Variants in ABCC4 observed in about 807,000 individuals in gnomAD.
The protein encoded by ABCC4 is ATP binding cassette subfamily C member 4 (PEL blood group), also known as ATP-binding cassette sub-family C member 4.
A neutral mutation model predicts 168.5 loss-of-function variants in ABCC4; 102 were observed. That is an observed-to-expected ratio of 0.61 (90% CI 0.52 to 0.71). The LOEUF (loss-of-function observed/expected upper bound fraction) is 0.71. Ranked by LOEUF, ABCC4 falls within the 30% of genes least tolerant of loss-of-function variation. The pLI is 0.00. For missense variants in ABCC4, 1,402 were observed against 1,605.8 expected, an observed-to-expected ratio of 0.87 and a Z score of 2.17; for synonymous variants, 617 against 590.7, an observed-to-expected ratio of 1.04 and a Z score of -0.65.
rs140332535 is a variant in ABCC4, at chr13:95,076,367, G to A, written c.2687-816C>T. 7.2e-3 allele frequency among the ~76,000 whole-genome samples: 1,089 copies of A among 152,140 alleles called. 12 individuals carry two copies. The highest frequency in any genetic ancestry group is 0.014 in the Middle Eastern group (4 of 294). On this transcript the variant is annotated intron_variant, in intron 21 of 30. Transcript: ENST00000645237. The stretch of plus-strand genomic sequence containing the variant: ...TCAGAATCTGACTGTGGTCTCAGTG[G>A]GTTCTTCATCTCTACAGAATTTTAA...
intron 1 of ABCC4, among the ~76,000 whole-genome samples, chr13:95,258,511 C>G (rs1438621617): frequency 1.3e-5 from 2 of 152,204 alleles, no homozygotes; most frequent in African/African-American, 4.8e-5. Flanking sequence ...TATCCTCATT[C>G]TCACTTTCTT....
At chr13:95,173,865 C>CA (rs1263908309) in intron 13 of ABCC4, among the ~76,000 whole-genome samples, 4 of 152,188 alleles carry the variant, frequency 2.6e-5, no homozygotes, top group South Asian at 2.1e-4. Flanking sequence ...GGGAAGCTGC[C>CA]GTACCCCTTC....
intron 6 of ABCC4, among the ~76,000 whole-genome samples, chr13:95,208,337 A>G (rs2038843889): frequency 9.5e-6 from 1 of 104,740 alleles, no homozygotes. Flanking sequence ...GAGGAGAGCA[A>G]AAAAAAAAAA....
At chr13:95,034,582 A>G in intron 30 of ABCC4, 23 bp downstream of exon 30, 2 of 1,606,308 alleles carry the variant, frequency 1.2e-6, no homozygotes. Flanking sequence ...AACTTTAATT[A>G]CAACTCCTTG....
At chr13:95,072,474 C>A (rs1242724425) in intron 24 of ABCC4, among the ~76,000 whole-genome samples, 2 of 151,980 alleles carry the variant, frequency 1.3e-5, no homozygotes, top group Non-Finnish European at 2.9e-5. Context: ...CACCCCTACC[C>A]CCCAAAAAAG....
intron 20 of ABCC4, among the ~76,000 whole-genome samples, chr13:95,090,386 C>T (rs141883917): frequency 3.4e-4 from 52 of 152,276 alleles, no homozygotes; most frequent in Middle Eastern, 3.4e-3. Flanking sequence ...CCACCTCCAC[C>T]GGAACAGGTG....
intron 14 of ABCC4, chr13:95,170,304 C>T (rs1048973566): frequency 9.8e-6 from 4 of 407,116 alleles, no homozygotes; most frequent in African/African-American, 6.1e-5. Flanking sequence ...TAAATTAAAA[C>T]AGCATCATTT....
chr13:95,244,170 G>A (rs1319090823), intron 3 of ABCC4, among the ~76,000 whole-genome samples: 1 of 152,140 alleles, frequency 6.6e-6, no homozygotes, highest in Non-Finnish European at 1.5e-5. Context: ...ACGACAGTCT[G>A]GAGATGGTTA....
intron 4 of ABCC4, among the ~76,000 whole-genome samples, chr13:95,213,409 G>A (rs1399311942): frequency 1.3e-5 from 2 of 152,256 alleles, no homozygotes; most frequent in African/African-American, 4.8e-5. Context: ...GTTGTTCCAA[G>A]TTGTAGAAGC....
At chr13:95,209,316 A>C in intron 6 of ABCC4, 118 bp downstream of exon 6, 1 of 1,212,480 alleles carries the variant, frequency 8.2e-7, no homozygotes. Flanking sequence ...GAAGAGCTGC[A>C]ACATATGCAA....
chr13:95,154,588 A>G (rs1035511474), intron 19 of ABCC4, among the ~76,000 whole-genome samples: 1 of 152,204 alleles, frequency 6.6e-6, no homozygotes, highest in Non-Finnish European at 1.5e-5. Context: ...GATGACACTG[A>G]GGAAATATTT....
At chr13:95,056,058 CAAG>C (rs1290507897) in intron 26 of ABCC4, among the ~76,000 whole-genome samples, 1 of 152,146 alleles carries the variant, frequency 6.6e-6, no homozygotes, top group African/African-American at 2.4e-5. Flanking sequence ...CTCATTATCT[CAAG>C]AAGAAACTCT....
chr13:95,210,893 A>C, intron 4 of ABCC4, 112 bp from the exon 5 acceptor site: 1 of 662,090 alleles, frequency 1.5e-6, no homozygotes, highest in Non-Finnish European at 2.6e-6. Flanking sequence ...AGATCTAAGC[A>C]CAAGCATCCC....
At chr13:95,050,697 C>A (rs2032792959) in intron 27 of ABCC4, among the ~76,000 whole-genome samples, 1 of 152,168 alleles carries the variant, frequency 6.6e-6, no homozygotes, top group South Asian at 2.1e-4. Context: ...CTGAGGGGGA[C>A]CTACCACGTC....
chr13:95,239,973 A>G (rs1159558032), intron 3 of ABCC4, among the ~76,000 whole-genome samples: 1 of 152,246 alleles, frequency 6.6e-6, no homozygotes, highest in Non-Finnish European at 1.5e-5. Context: ...TACCACACAC[A>G]CATAACCAGA....
chr13:95,244,267 G>C (rs922684700), intron 3 of ABCC4, among the ~76,000 whole-genome samples: 1 of 151,916 alleles, frequency 6.6e-6, no homozygotes, highest in African/African-American at 2.4e-5. Flanking sequence ...TAACTACATG[G>C]CACCCAGTGT....
chr13:95,162,959 A>AT (rs1445912633), intron 18 of ABCC4, among the ~76,000 whole-genome samples, 163 bp downstream of exon 18: 5 of 152,194 alleles, frequency 3.3e-5, no homozygotes, highest in Non-Finnish European at 7.3e-5. Context: ...CTTCTAGTAG[A>AT]TTTTTAAAAT....
chr13:95,061,594 T>TTGTG (rs57517042), intron 26 of ABCC4, among the ~76,000 whole-genome samples: 10,355 of 133,682 alleles, frequency 0.077, 447 homozygotes, highest in Non-Finnish European at 0.094. Flanking sequence ...GAATATGTGT[T>TTGTG]TGTGTGTGTG....
At chr13:95,238,195 G>GAAAAAAAAAAAAAAAAAAAAAAAAA (rs10644641) in intron 3 of ABCC4, among the ~76,000 whole-genome samples, 1 of 65,870 alleles carries the variant, frequency 1.5e-5, no homozygotes. Context: ...CTCCATCTCA[G>GAAAAAAAAAAAAAAAAAAAAAAAAA]AAAAAAAAAA....
Sources: allele counts gnomAD v4.1 joint callset (sites outside exome capture counted in the v4.1 genomes callset), GRCh38; gene constraint gnomAD v4.1.1; transcripts MANE v1.5; gene names NCBI Gene and HGNC (gene_info 2026-07-23, HGNC 2026-07-21).